DNASE1: variants seen among roughly 807,000 people sequenced by gnomAD.
DNASE1 encodes deoxyribonuclease 1, also known as deoxyribonuclease-1.
In DNASE1, 40 loss-of-function variants were observed where a neutral mutation model predicts 33.9. The ratio of observed to expected loss-of-function variants is 1.18; its 90% CI spans 0.92 to 1.54. DNASE1 has a LOEUF of 1.54. Among genes scored for constraint, DNASE1 ranks in the 40% most tolerant of loss-of-function variants. DNASE1 has a pLI of 0.00. For synonymous variants in DNASE1, 216 were observed against 160.0 expected, an observed-to-expected ratio of 1.35 and a Z score of -2.64; for missense variants, 518 against 372.6, an observed-to-expected ratio of 1.39 and a Z score of -3.21.
chr16:3,648,466 G>C (rs1182773945), intron 1 of DNASE1, among the ~76,000 whole-genome samples: 1 of 152,204 alleles, frequency 6.6e-6, no homozygotes. Context: ...GGAGGCTGAG[G>C]CAGGAGAATG....
chr16:3,640,634 A>G, upstream of DNASE1: 1 of 397,918 alleles, frequency 2.5e-6, no homozygotes, highest in Non-Finnish European at 4.4e-6. Flanking sequence ...ACAGCCTGTC[A>G]GGAGTTTGCT....
downstream of DNASE1, chr16:3,658,440 G>T (rs2042852917): frequency 3.3e-6 from 2 of 597,098 alleles, no homozygotes; most frequent in Non-Finnish European, 5.9e-6. Flanking sequence ...TTTTAAAACA[G>T]AATTTGGCTG....
chr16:3,658,611 T>G (rs796824214), downstream of DNASE1: 12 of 619,692 alleles, frequency 1.9e-5, no homozygotes, highest in Non-Finnish European at 3.1e-5. Context: ...AGGCAGAGGT[T>G]GTAGTGAGCC....
chr16:3,650,418 A>G (rs2042297770), upstream of DNASE1, among the ~76,000 whole-genome samples: 1 of 152,212 alleles, frequency 6.6e-6, no homozygotes, highest in Non-Finnish European at 1.5e-5. Flanking sequence ...ATTGCATGAA[A>G]GATGATGCAG....
At chr16:3,616,569 C>T (rs112248506) in intron 1 of DNASE1, among the ~76,000 whole-genome samples, 22 of 127,292 alleles carry the variant, frequency 1.7e-4, no homozygotes, top group African/African-American at 3.4e-4. Context: ...TGCAGTGATC[C>T]AAGATCACAA....
chr16:3,640,042 T>G (rs939360114), upstream of DNASE1, among the ~76,000 whole-genome samples: 1 of 152,190 alleles, frequency 6.6e-6, no homozygotes, highest in Non-Finnish European at 1.5e-5. Flanking sequence ...CAGTGCTGCT[T>G]TAGTCTGCAG....
chr16:3,664,325 G>C (rs751192502), exon 10 of DNASE1: 1 of 1,612,540 alleles, frequency 6.2e-7, no homozygotes, highest in Non-Finnish European at 8.5e-7. Flanking sequence ...GCTCTGCCAG[G>C]TGACGGTTGG....
chr16:3,658,484 C>T (rs2042855215), downstream of DNASE1: 4 of 575,562 alleles, frequency 6.9e-6, no homozygotes, highest in East Asian at 1.2e-4. Flanking sequence ...GAGATTGAGA[C>T]CATCCTGGCC....
upstream of DNASE1, among the ~76,000 whole-genome samples, chr16:3,641,440 C>G (rs1199161034): frequency 6.6e-6 from 1 of 152,212 alleles, no homozygotes; most frequent in Non-Finnish European, 1.5e-5. Flanking sequence ...CACAGGCAGG[C>G]CCTCTGGGGA....
intron 1 of DNASE1, among the ~76,000 whole-genome samples, chr16:3,646,455 T>A (rs1244861167): frequency 6.6e-6 from 1 of 151,408 alleles, no homozygotes; most frequent in African/African-American, 2.4e-5. Flanking sequence ...AGCAAATGAG[T>A]CATATGGGCC....
chr16:3,630,302 G>A (rs1043020238), intron 1 of DNASE1, among the ~76,000 whole-genome samples: 4 of 151,058 alleles, frequency 2.6e-5, no homozygotes, highest in African/African-American at 7.3e-5. Flanking sequence ...CCACCTTGGC[G>A]CCCCAAGTAG....
upstream of DNASE1, chr16:3,653,250 A>G (rs532583247): frequency 1.3e-5 from 2 of 152,202 alleles, no homozygotes; most frequent in African/African-American, 4.8e-5. Context: ...GCATCCCCCA[A>G]CCGCCCGGAG....
chr16:3,660,836 ATTGT>A (rs1345151189), downstream of DNASE1: 1 of 152,204 alleles, frequency 6.6e-6, no homozygotes, highest in Non-Finnish European at 1.5e-5. Flanking sequence ...AGGCAGGTGG[ATTGT>A]TTGAGGCCAG....
chr16:3,630,603 C>CA (rs2041666634), intron 1 of DNASE1, among the ~76,000 whole-genome samples: 1 of 151,790 alleles, frequency 6.6e-6, no homozygotes, highest in South Asian at 2.1e-4. Flanking sequence ...CTTTTTTAAT[C>CA]TTTTTTTTAA....
intron 1 of DNASE1, among the ~76,000 whole-genome samples, chr16:3,634,447 C>T (rs893909035): frequency 8.1e-4 from 123 of 151,864 alleles, no homozygotes; most frequent in Middle Eastern, 3.4e-3. Flanking sequence ...CCAGGCTGGT[C>T]TCGAACTCCT....
Position 3,654,875 on chromosome 16 carries a change from G to A in DNASE1, c.-171G>A, listed in dbSNP as rs1214206865. The stretch of plus-strand genomic sequence containing the variant: ...TCCCAGACACGCACTGCCTGTGCAG[G>A]ATCCGGAGCCCAGCAGCACTGCCAG... On this transcript the variant is annotated 5_prime_UTR_variant, in exon 1 of 9. Transcript: ENST00000246949. The A allele has an allele frequency of 7.1e-6, 3 of 423,062 alleles. No homozygotes were observed. Among genetic ancestry groups the A allele is most frequent in the African/African-American group, 6.1e-5 (3 of 48,922 alleles). 26.2% of individuals were successfully genotyped at this position (423,062 alleles called of 1,614,324 possible).
downstream of DNASE1, chr16:3,658,561 T>C (rs1032014994): frequency 1.2e-5 from 7 of 579,852 alleles, no homozygotes; most frequent in Non-Finnish European, 1.8e-5. Context: ...TAGTCCCAGC[T>C]ACTCGGGAGG....
chr16:3,647,262 AT>A (rs537295148), intron 1 of DNASE1, among the ~76,000 whole-genome samples: 10,308 of 130,144 alleles, frequency 0.079, 153 homozygotes, highest in South Asian at 0.15. Context: ...TAATCATGGG[AT>A]TTTTTTTTTT....
At chr16:3,665,286 G>A (rs1388227397) in exon 10 of DNASE1, 1 of 152,262 alleles carries the variant, frequency 6.6e-6, no homozygotes, top group African/African-American at 2.4e-5. Context: ...TGCTGCTGGG[G>A]AGAAGGGACA....
Sources: gnomAD v4.1 joint callset for allele counts (sites outside exome capture counted in the v4.1 genomes callset) on GRCh38, gnomAD v4.1.1 for gene constraint, MANE v1.5 for transcripts, NCBI Gene and HGNC (gene_info 2026-07-23, HGNC 2026-07-21) for gene names.